KIAA0232: variants seen among roughly 807,000 people sequenced by gnomAD.
The protein encoded by KIAA0232 is uncharacterized protein KIAA0232.
In KIAA0232, 27 loss-of-function variants were observed where a neutral mutation model predicts 122.0. The ratio of observed to expected loss-of-function variants is 0.22; its 90% confidence interval spans 0.16 to 0.31. KIAA0232 has a LOEUF of 0.31. KIAA0232 is among the 10% of genes least tolerant of loss of function. KIAA0232 has a pLI of 1.00. For missense variants in KIAA0232, 1,551 were observed against 1,634.2 expected, an observed-to-expected ratio of 0.95 and a Z score of 0.88; for synonymous variants, 613 against 587.6, an observed-to-expected ratio of 1.04 and a Z score of -0.63.
intron 7 of KIAA0232, among the ~76,000 whole-genome samples, chr4:6,869,452 C>T (rs533346081): frequency 2.6e-5 from 4 of 152,348 alleles, no homozygotes; most frequent in Admixed American, 1.3e-4. Context: ...CTGAAGAGGT[C>T]TTAGAGTGCA....
At chr4:6,847,219 T>G (rs868291563) in intron 4 of KIAA0232, among the ~76,000 whole-genome samples, 2 of 152,242 alleles carry the variant, frequency 1.3e-5, no homozygotes, top group Admixed American at 6.5e-5. Flanking sequence ...GTGACTGTTA[T>G]AGTTACAATG....
At chr4:6,841,955 A>C in intron 3 of KIAA0232, 112 bp from the exon 4 acceptor site, 1 of 1,237,462 alleles carries the variant, frequency 8.1e-7, no homozygotes. Context: ...CCGATCCTAA[A>C]ACTCGTATGG....
intron 2 of KIAA0232, among the ~76,000 whole-genome samples, chr4:6,811,436 C>G (rs1717871305): frequency 6.6e-6 from 1 of 151,980 alleles, no homozygotes; most frequent in Admixed American, 6.6e-5. Context: ...GCACCTGTAC[C>G]CTATAAGTTT....
At chr4:6,878,379 T>TCATACATA (rs112843703) in intron 9 of KIAA0232, among the ~76,000 whole-genome samples, 35,852 of 148,994 alleles carry the variant, frequency 0.24, 4,550 homozygotes, top group Middle Eastern at 0.29. Flanking sequence ...CATCATTCAT[T>TCATACATA]CATACATACA....
intron 1 of KIAA0232, among the ~76,000 whole-genome samples, chr4:6,791,315 CTTTTTTTTTTTTT>C (rs10716163): frequency 2.1e-4 from 17 of 82,672 alleles, no homozygotes; most frequent in African/African-American, 3.9e-4. Flanking sequence ...GTCATAAAGC[CTTTTTTTTTTTTT>C]TTTTTTTTTT....
rs936153106 is a variant in KIAA0232 at position 6,813,520 on chromosome 4, G to A, written c.-270+8914G>A. On this transcript the variant is annotated intron_variant, in intron 2 of 9. Transcript: ENST00000307659. ...TGGGACTACAGGTGCCTGCCACCACGCCCGGCTAACTTTTTGTATTTTTAG... is the reference window on the plus strand; with the variant it reads ...TGGGACTACAGGTGCCTGCCACCACACCCGGCTAACTTTTTGTATTTTTAG... 5.3e-5 allele frequency among the ~76,000 whole-genome samples: 8 copies of A among 151,856 alleles called. 1 individual carries two copies. The highest frequency in any genetic ancestry group is 3.3e-4 in the Admixed American group (5 of 15,240).
intron 4 of KIAA0232, among the ~76,000 whole-genome samples, chr4:6,852,863 G>A (rs1344551441): frequency 6.6e-6 from 1 of 152,210 alleles, no homozygotes; most frequent in Non-Finnish European, 1.5e-5. Context: ...AGAACACTCA[G>A]AAGGTAGCAT....
rs571578873 is a variant in KIAA0232 at position 6,828,206 on chromosome 4, C to T, written c.231+3522C>T. On this transcript the variant is annotated intron_variant, in intron 3 of 9. Transcript: ENST00000307659. ...AACCAGCCTGGGCAACATAGTGAGA[C>T]TCCATCTCTTAAAAAAAATTATCTG... Among the ~76,000 whole-genome samples the T allele has an allele frequency of 6.6e-5, 10 of 152,190 alleles. No homozygotes were observed. In the East Asian group the frequency reaches 1.2e-3, roughly 18 times the overall value.
rs78598592 is a variant in KIAA0232, at chr4:6,830,689, G to A, written c.231+6005G>A. Among the ~76,000 whole-genome samples, 1,081 of 152,212 alleles carry A rather than the reference G, an allele frequency of 7.1e-3. 5 individuals are homozygous for A. Among genetic ancestry groups the A allele is most frequent in the Middle Eastern group, 0.014 (4 of 294 alleles). ...CCCAAAGTGCTGGGATTATAGGTGT[G>A]AGCTGCCATGCCCGGCCTGTTTTCT... On this transcript the variant is annotated intron_variant, in intron 3 of 9. Transcript: ENST00000307659.
chr4:6,788,286 G>C (rs535504741), intron 1 of KIAA0232, among the ~76,000 whole-genome samples: 5 of 152,254 alleles, frequency 3.3e-5, no homozygotes, highest in East Asian at 3.9e-4. Context: ...CGAAAGTGCC[G>C]AGATTATAAG....
At chr4:6,784,248 G>T (rs529197080) in intron 1 of KIAA0232, among the ~76,000 whole-genome samples, 1 of 152,162 alleles carries the variant, frequency 6.6e-6, no homozygotes, top group African/African-American at 2.4e-5. Context: ...TTACATTTCT[G>T]GGTCTTGTTT....
In KIAA0232 at chr4:6,847,475, A is replaced by G. The variant is rs74684895; in HGVS notation, c.369+5271A>G. 8.2e-3 allele frequency among the ~76,000 whole-genome samples: 1,256 copies of G among 152,342 alleles called. 8 individuals are homozygous for G. The highest frequency in any genetic ancestry group is 0.015 in the Non-Finnish European group (1,029 of 68,032). The stretch of plus-strand genomic sequence containing the variant: ...CAGTTGTGTCAGAATTTAATTTTAT[A>G]CATTGATTAAAATTTGGCTGTCCCT... On this transcript the variant is annotated intron_variant, in intron 4 of 9. Coordinates refer to ENST00000307659, the MANE Select transcript of KIAA0232 (RefSeq NM_014743.3).
chr4:6,785,204 T>A (rs1266846192), intron 1 of KIAA0232, among the ~76,000 whole-genome samples: 1 of 152,214 alleles, frequency 6.6e-6, no homozygotes. Flanking sequence ...CCCAAAGTGC[T>A]GGGATTACAG....
chr4:6,861,322 AAAGT>A lies in KIAA0232; in HGVS notation c.944_947del (p.Val315AspfsTer21). The stretch of plus-strand genomic sequence containing the variant: ...ATTAAAAGCATCCATGAAGTATGTT[AAAGT>A]AAGACACAAGGCACGAGAGATTCGA... On this transcript the variant is annotated frameshift_variant, in exon 7 of 10. Coordinates refer to ENST00000307659, the MANE Select transcript of KIAA0232 (RefSeq NM_014743.3). LOFTEE classifies it high-confidence loss of function. 6.2e-7 allele frequency: 1 copy of A among 1,614,162 alleles called. No individual in the cohort carries two copies. Among genetic ancestry groups the A allele is most frequent in the Non-Finnish European group, 8.5e-7 (1 of 1,180,030 alleles).
chr4:6,867,224 G>T (rs1444687292), intron 7 of KIAA0232, among the ~76,000 whole-genome samples: 1 of 152,234 alleles, frequency 6.6e-6, no homozygotes, highest in African/African-American at 2.4e-5. Context: ...GAATGGTGGA[G>T]GGGAGCACAG....
intron 3 of KIAA0232, among the ~76,000 whole-genome samples, chr4:6,832,563 G>A (rs1194510962): frequency 6.6e-6 from 1 of 152,058 alleles, no homozygotes; most frequent in Admixed American, 6.6e-5. Flanking sequence ...GGGCCAGGCT[G>A]GTCTCGAGCT....
In KIAA0232 at chr4:6,883,991, T is replaced by C. The variant is rs1179034758; in HGVS notation, c.*3025T>C. 6.6e-6 allele frequency: 1 copy of C among 152,232 alleles called. No homozygotes were observed. Among genetic ancestry groups the C allele is most frequent in the East Asian group, 1.9e-4 (1 of 5,204 alleles). 9.4% of individuals were successfully genotyped at this position (152,232 alleles called of 1,614,324 possible). On this transcript the variant is annotated 3_prime_UTR_variant, in exon 10 of 10. Coordinates refer to ENST00000307659, the MANE Select transcript of KIAA0232 (RefSeq NM_014743.3). Reference sequence around the variant, plus strand: ...AATTATAGAACTACATAATTATTTTTATAGCTGTATTATGTAGATTTAACA... The same window carrying C: ...AATTATAGAACTACATAATTATTTTCATAGCTGTATTATGTAGATTTAACA...
chr4:6,807,600 G>T (rs1169090243), intron 2 of KIAA0232, among the ~76,000 whole-genome samples: 4 of 152,174 alleles, frequency 2.6e-5, no homozygotes, highest in Non-Finnish European at 5.9e-5. Context: ...GATACCTAGG[G>T]TAAACCGGTT....
At chr4:6,842,428 A>G (rs1268918493) in intron 4 of KIAA0232, among the ~76,000 whole-genome samples, 2 of 152,164 alleles carry the variant, frequency 1.3e-5, no homozygotes, top group Non-Finnish European at 2.9e-5. Flanking sequence ...GAGTATACAC[A>G]AAATTTTATA....
Sources: allele counts gnomAD v4.1 joint callset (sites outside exome capture counted in the v4.1 genomes callset), GRCh38; gene constraint gnomAD v4.1.1; transcripts MANE v1.5; gene names NCBI Gene and HGNC (gene_info 2026-07-23, HGNC 2026-07-21).